SV2C: variants seen among roughly 807,000 people sequenced by gnomAD.
SV2C encodes the protein solute carrier family 22 member B3.
In SV2C, 49 loss-of-function variants were observed where a neutral mutation model predicts 79.7. The ratio of observed to expected loss-of-function variants is 0.61; its 90% CI spans 0.49 to 0.78. The LOEUF is 0.78. SV2C is among the 30% of genes least tolerant of loss of function. SV2C has a pLI of 0.00. For synonymous variants in SV2C, 334 were observed against 333.2 expected, an observed-to-expected ratio of 1.00 and a Z score of -0.03; for missense variants, 833 against 912.9, an observed-to-expected ratio of 0.91 and a Z score of 1.13.
chr5:76,061,328 C>G, the SV2C span, among the ~76,000 whole-genome samples: 1 of 135,180 alleles, frequency 7.4e-6, no homozygotes, highest in African/African-American at 2.8e-5. Flanking sequence ...ATGCCAAGTG[C>G]AATTTAAGAA....
At chr5:75,916,302 T>C in the SV2C span, among the ~76,000 whole-genome samples, 1 of 127,138 alleles carries the variant, frequency 7.9e-6, no homozygotes, top group South Asian at 3.2e-4. Context: ...CCCTTCCCCT[T>C]CCCCTTTCTC....
At chr5:76,037,975 G>T in the SV2C span, among the ~76,000 whole-genome samples, 1 of 152,196 alleles carries the variant, frequency 6.6e-6, no homozygotes, top group African/African-American at 2.4e-5. Context: ...TCGGAAAAGC[G>T]CAGTATTAGG....
chr5:76,060,272 C>A, the SV2C span, among the ~76,000 whole-genome samples: 1 of 152,074 alleles, frequency 6.6e-6, no homozygotes, highest in Non-Finnish European at 1.5e-5. Context: ...TTGACTTCAC[C>A]TTTCTAACTG....
In SV2C at chr5:76,194,941, G is replaced by A. The variant is rs1224240412; in HGVS notation, c.603G>A (p.Met201Ile). 3.7e-6 allele frequency: 6 copies of A among 1,614,058 alleles called. No homozygotes were observed. Among genetic ancestry groups the A allele is most frequent in the Non-Finnish European group, 3.4e-6 (4 of 1,179,954 alleles). The stretch of plus-strand genomic sequence containing the variant: ...CAGGCAGCATAGTGTACCTCGGGAT[G>A]ATGGTGGGGGCGTTCTTCTGGGGAG... ...GWLGSIVYLG[M>I]MVGAFFWGGL... Residue 201 changes from methionine to isoleucine, a missense_variant, in exon 3 of 13, where the codon ATG (methionine) becomes ATA (isoleucine). Transcript: ENST00000502798.
chr5:76,232,876 G>T (rs1745471182), intron 4 of SV2C, among the ~76,000 whole-genome samples: 1 of 143,562 alleles, frequency 7.0e-6, no homozygotes, highest in South Asian at 2.1e-4. Flanking sequence ...GTATTGTGAT[G>T]CCTCCAGCTT....
chr5:76,214,952 C>G (rs1744872726), intron 4 of SV2C, among the ~76,000 whole-genome samples: 1 of 152,162 alleles, frequency 6.6e-6, no homozygotes, highest in South Asian at 2.1e-4. Context: ...GATCATGTCA[C>G]CTGCAGAAAC....
chr5:75,873,154 G>T, the SV2C span, among the ~76,000 whole-genome samples: 1 of 152,082 alleles, frequency 6.6e-6, no homozygotes, highest in Non-Finnish European at 1.5e-5. Context: ...ATGTAGTAAA[G>T]TGTGTGTTAA....
At chr5:76,347,564 C>G (rs1033971826) in intron 12 of SV2C, among the ~76,000 whole-genome samples, 4 of 152,178 alleles carry the variant, frequency 2.6e-5, no homozygotes, top group Non-Finnish European at 5.9e-5. Context: ...GGTGCCTCAG[C>G]CTCCCGAGCT....
intron 2 of SV2C, among the ~76,000 whole-genome samples, chr5:76,188,276 A>T (rs1236987936): frequency 6.6e-6 from 1 of 152,136 alleles, no homozygotes; most frequent in East Asian, 1.9e-4. Context: ...TAATAATAAT[A>T]ATTGTTGCTT....
At chr5:76,133,924 A>T (rs1011702999) in intron 2 of SV2C, among the ~76,000 whole-genome samples, 2 of 152,232 alleles carry the variant, frequency 1.3e-5, no homozygotes, top group African/African-American at 4.8e-5. Flanking sequence ...TCACACAAAT[A>T]TTTAATAATT....
intron 2 of SV2C, among the ~76,000 whole-genome samples, chr5:76,177,625 G>A (rs1297165089): frequency 6.6e-6 from 1 of 152,174 alleles, no homozygotes; most frequent in Non-Finnish European, 1.5e-5. Context: ...CAGATAAGGG[G>A]GAACTACTGT....
At chr5:76,349,529 T>C (rs1460079836) in intron 12 of SV2C, among the ~76,000 whole-genome samples, 1 of 152,022 alleles carries the variant, frequency 6.6e-6, no homozygotes, top group African/African-American at 2.4e-5. Flanking sequence ...AAAAATAAAA[T>C]AATCCAGTGA....
At chr5:76,340,087 A>T (rs1749411768) in intron 12 of SV2C, among the ~76,000 whole-genome samples, 1 of 152,188 alleles carries the variant, frequency 6.6e-6, no homozygotes, top group Non-Finnish European at 1.5e-5. Context: ...ACTAATCATA[A>T]TTCATTAGCA....
chr5:75,907,461 G>A, the SV2C span, among the ~76,000 whole-genome samples: 2,515 of 152,232 alleles, frequency 0.017, 36 homozygotes, highest in African/African-American at 0.043. Context: ...TGCAGGCTAT[G>A]GAGCAGCGCG....
the SV2C span, among the ~76,000 whole-genome samples, chr5:75,909,480 G>T: frequency 1.3e-5 from 2 of 152,210 alleles, no homozygotes; most frequent in Non-Finnish European, 2.9e-5. Context: ...GGAGTGCCAG[G>T]ACTGGAAAGT....
At chr5:76,250,690 T>A (rs571097593) in intron 4 of SV2C, among the ~76,000 whole-genome samples, 1 of 152,334 alleles carries the variant, frequency 6.6e-6, no homozygotes, top group African/African-American at 2.4e-5. Context: ...GGGTCAGCAT[T>A]AGAAGCCTGG....
At chr5:75,910,265 C>T in the SV2C span, 1 of 475,552 alleles carries the variant, frequency 2.1e-6, no homozygotes, top group African/African-American at 2.0e-5. Context: ...CTCATCTCTA[C>T]AAAAAATAAA....
chr5:76,151,951 A>G (rs1316212310), intron 2 of SV2C, among the ~76,000 whole-genome samples: 1 of 152,190 alleles, frequency 6.6e-6, no homozygotes, highest in African/African-American at 2.4e-5. Context: ...CAATCTTGGA[A>G]TAGTGTAACA....
At chr5:76,239,497 A>G (rs966806702) in intron 4 of SV2C, among the ~76,000 whole-genome samples, 7 of 152,212 alleles carry the variant, frequency 4.6e-5, no homozygotes, top group Admixed American at 6.5e-5. Context: ...TCTCTGCCGC[A>G]TGATACCTGG....
Sources: gnomAD v4.1 joint callset for allele counts (sites outside exome capture counted in the v4.1 genomes callset) on GRCh38, gnomAD v4.1.1 for gene constraint, MANE v1.5 for transcripts, NCBI Gene and HGNC (gene_info 2026-07-23, HGNC 2026-07-21) for gene names.